SLC27A2: variants seen among roughly 807,000 people sequenced by gnomAD.
The protein encoded by SLC27A2 is solute carrier family 27 member 2, also known as long-chain fatty acid transport protein 2.
SLC27A2 carries 54 observed loss-of-function variants against 60.0 expected under a neutral mutation model. The ratio of observed to expected loss-of-function variants is 0.90; its 90% CI spans 0.72 to 1.13. The LOEUF is 1.13. Among genes scored for constraint, SLC27A2 ranks in the 50% most tolerant of loss-of-function variants. The pLI, the probability that SLC27A2 is intolerant of heterozygous loss-of-function variation, is 0.00. For synonymous variants in SLC27A2, 297 were observed against 297.6 expected (o/e 1.00, Z 0.02); for missense variants, 739 against 777.6 (o/e 0.95, Z 0.59).
chr15:50,212,297 A>C (rs2045164116), intron 4 of SLC27A2, among the ~76,000 whole-genome samples: 1 of 152,196 alleles, frequency 6.6e-6, no homozygotes. Context: ...GAAGTCTAGG[A>C]TTAAAAGACC....
intron 3 of SLC27A2, among the ~76,000 whole-genome samples, chr15:50,203,114 A>G (rs1318260408): frequency 6.6e-6 from 1 of 151,900 alleles, no homozygotes; most frequent in East Asian, 1.9e-4. Context: ...CTTGAGTCCA[A>G]GAGTTCAAGA....
chr15:50,197,379 C>T (rs1228334214), intron 1 of SLC27A2, 121 bp from the exon 2 acceptor site: 3 of 636,408 alleles, frequency 4.7e-6, no homozygotes, highest in South Asian at 2.1e-5. Context: ...CATCATTTGT[C>T]ATGCCCACAC....
chr15:50,232,201 G>T, intron 8 of SLC27A2, among the ~76,000 whole-genome samples: 1 of 152,208 alleles, frequency 6.6e-6, no homozygotes, highest in East Asian at 1.9e-4. Flanking sequence ...TTTGGAACAG[G>T]AGAGAATTTC....
At chr15:50,192,755 G>A (rs550127565) in intron 1 of SLC27A2, among the ~76,000 whole-genome samples, 174 of 139,308 alleles carry the variant, frequency 1.2e-3, no homozygotes, top group Non-Finnish European at 1.8e-3. Flanking sequence ...GTTTTGCCAT[G>A]TTGCCCAGGC....
intron 8 of SLC27A2, 61 bp from the exon 9 acceptor site, chr15:50,233,807 G>A: frequency 6.9e-7 from 1 of 1,448,912 alleles, no homozygotes; most frequent in South Asian, 1.4e-5. Flanking sequence ...ACAGTTCTTT[G>A]AACTAATAAA....
At chr15:50,204,102 C>A (rs1387090045) in intron 3 of SLC27A2, among the ~76,000 whole-genome samples, 2 of 152,122 alleles carry the variant, frequency 1.3e-5, no homozygotes, top group African/African-American at 4.8e-5. Context: ...ACCAGGACAC[C>A]ACAAGTGGAA....
At chr15:50,193,707 T>C (rs2044992667) in intron 1 of SLC27A2, among the ~76,000 whole-genome samples, 1 of 152,240 alleles carries the variant, frequency 6.6e-6, no homozygotes, top group Admixed American at 6.5e-5. Flanking sequence ...CTTTACCTTA[T>C]TCCTCTGTGT....
chr15:50,199,874 C>T (rs1328440011), intron 2 of SLC27A2, among the ~76,000 whole-genome samples: 3 of 152,074 alleles, frequency 2.0e-5, no homozygotes, highest in Non-Finnish European at 2.9e-5. Flanking sequence ...GCTACAGTGA[C>T]GTGCCACTAC....
chr15:50,212,010 G>A (rs1390813858), intron 4 of SLC27A2, among the ~76,000 whole-genome samples: 2 of 146,202 alleles, frequency 1.4e-5, no homozygotes, highest in Non-Finnish European at 3.0e-5. Context: ...GGCAGAGCTT[G>A]CAGTGAGCCA....
intron 6 of SLC27A2, 67 bp downstream of exon 6, chr15:50,226,145 T>C (rs1241695043): frequency 2.1e-6 from 2 of 968,278 alleles, no homozygotes; most frequent in South Asian, 1.4e-5. Flanking sequence ...TTTTAAGGAC[T>C]AACATATTAT....
chr15:50,212,484 T>C (rs998434181), intron 4 of SLC27A2, among the ~76,000 whole-genome samples: 10 of 152,322 alleles, frequency 6.6e-5, no homozygotes, highest in South Asian at 6.2e-4. Flanking sequence ...CCTAGGCACA[T>C]TGTCATCAGG....
chr15:50,234,183 TG>T (rs2045334239), intron 9 of SLC27A2, among the ~76,000 whole-genome samples, 185 bp downstream of exon 9: 2 of 152,108 alleles, frequency 1.3e-5, no homozygotes, highest in Non-Finnish European at 2.9e-5. Flanking sequence ...CGGTGGCTCA[TG>T]CCTGTAATCC....
chr15:50,203,198 A>T (rs2045080098), intron 3 of SLC27A2, among the ~76,000 whole-genome samples: 1 of 151,962 alleles, frequency 6.6e-6, no homozygotes, highest in Non-Finnish European at 1.5e-5. Flanking sequence ...TAAAAAAAAA[A>T]ATTTTAGGTT....
At chr15:50,189,021 AG>A in intron 1 of SLC27A2, among the ~76,000 whole-genome samples, 1 of 150,906 alleles carries the variant, frequency 6.6e-6, no homozygotes, top group South Asian at 2.1e-4. Flanking sequence ...ATAGATAGAT[AG>A]ATAGATGCAT....
intron 8 of SLC27A2, among the ~76,000 whole-genome samples, chr15:50,231,509 A>AT (rs1397619132): frequency 2.6e-5 from 4 of 152,174 alleles, no homozygotes; most frequent in South Asian, 2.1e-4. Flanking sequence ...GTTTATCACA[A>AT]TTTAAAAAAA....
intron 1 of SLC27A2, among the ~76,000 whole-genome samples, chr15:50,183,731 C>CCT (rs1304922886): frequency 4.6e-5 from 7 of 152,252 alleles, no homozygotes; most frequent in Admixed American, 1.3e-4. Context: ...ACCAAGGGTT[C>CCT]CTTCTCTCAG....
At chr15:50,215,712 G>A (rs1216635945) in intron 4 of SLC27A2, among the ~76,000 whole-genome samples, 2 of 152,072 alleles carry the variant, frequency 1.3e-5, no homozygotes, top group Non-Finnish European at 2.9e-5. Context: ...CATAAAGGGG[G>A]CAAAGTACAC....
intron 8 of SLC27A2, 116 bp from the exon 9 acceptor site, chr15:50,233,752 C>T (rs2045330936): frequency 1.2e-6 from 1 of 841,266 alleles, no homozygotes; most frequent in Non-Finnish European, 1.8e-6. Flanking sequence ...AATAAAAATT[C>T]CAGCTATCCA....
intron 8 of SLC27A2, among the ~76,000 whole-genome samples, chr15:50,230,942 T>C (rs1259116966): frequency 6.6e-6 from 1 of 152,156 alleles, no homozygotes; most frequent in Non-Finnish European, 1.5e-5. Flanking sequence ...CTGTTACAAG[T>C]GTAATTTCTC....
Sources: allele counts gnomAD v4.1 joint callset (sites outside exome capture counted in the v4.1 genomes callset), GRCh38; gene constraint gnomAD v4.1.1; transcripts MANE v1.5; gene names NCBI Gene and HGNC (gene_info 2026-07-23, HGNC 2026-07-21).